HMX2: variants seen among roughly 807,000 people sequenced by gnomAD.
The protein encoded by HMX2 is H6 family homeobox 2.
Under a neutral mutation model 21.2 loss-of-function variants are expected in HMX2, and 15 were observed. The ratio of observed to expected loss-of-function variants is 0.71; its 90% CI spans 0.47 to 1.09. HMX2 has a LOEUF of 1.09. Ranked by LOEUF, HMX2 falls within the 50% of genes least tolerant of loss-of-function variation. The pLI is 0.00. For missense variants in HMX2, 440 were observed against 381.5 expected (o/e 1.15, Z -1.28); for synonymous variants, 193 against 181.0 (o/e 1.07, Z -0.53).
chr10:123,149,708 C>G lies in HMX2; in HGVS notation c.407C>G (p.Pro136Arg), dbSNP rs766496437. 1.3e-6 allele frequency: 2 copies of G among 1,559,682 alleles called. No individual in the cohort carries two copies. The highest frequency in any genetic ancestry group is 4.8e-5 in the East Asian group (2 of 41,356). Reference protein sequence around the residue: ...AGSPSPGSERPRDGGAERQAG... With the variant: ...AGSPSPGSERRRDGGAERQAG... ...TCGCCCTCGCCGGGGTCCGAGCGGC[C>G]GCGGGACGGCGGCGCTGAGCGGCAG... Residue 136 changes from proline (P) to arginine (R), a missense_variant, in exon 2 of 2, where the codon CCG (proline) becomes CGG (arginine). Transcript: ENST00000339992. The surrounding 1 kb of genome is among the most constrained non-coding windows in gnomAD (Gnocchi z 5.4).
Position 123,149,960 on chromosome 10 carries a change from C to A in HMX2, c.659C>A (p.Ala220Glu), listed in dbSNP as rs781275643. ...AELEAANMAHASAQTLVSMPL... is the reference protein window; with the variant it reads ...AELEAANMAHESAQTLVSMPL... ...CTGGAGGCGGCCAACATGGCGCACG[C>A]GTCGGCGCAGACTCTGGTGAGCATG... Residue 220 changes from alanine to glutamate, a missense_variant, in exon 2 of 2, where the codon GCG becomes GAG. Ala to Glu is a moderately radical substitution (Grantham distance 107). Transcript: ENST00000339992. This position sits in a 1 kb window ranked among gnomAD's most constrained non-coding sequence, Gnocchi z 5.4. 1.1e-4 allele frequency: 173 copies of A among 1,611,768 alleles called. 1 individual carries two copies. Among genetic ancestry groups the A allele is most frequent in the Middle Eastern group, 1.6e-4 (1 of 6,078 alleles).
In HMX2 at chr10:123,149,080, C is replaced by T. The variant is rs1009826353; in HGVS notation, c.268+434C>T. 2.6e-5 allele frequency among the ~76,000 whole-genome samples: 4 copies of T among 152,190 alleles called. No homozygotes were observed. Among genetic ancestry groups the T allele is most frequent in the Non-Finnish European group, 2.9e-5 (2 of 68,034 alleles). ...ATCTCTGCCTTTCTCTCTCTCTCCT[C>T]CTTGGAATGATTAGCACTCCAAGAT... is the stretch of plus-strand genomic sequence containing the variant. On this transcript the variant is annotated intron_variant, in intron 1 of 1. Coordinates refer to ENST00000339992, the MANE Select transcript of HMX2 (RefSeq NM_005519.2). The surrounding 1 kb of genome is among the most constrained non-coding windows in gnomAD (Gnocchi z 5.4).
chr10:123,148,823 G>C (rs1216199417), intron 1 of HMX2, among the ~76,000 whole-genome samples, 177 bp downstream of exon 1: 1 of 152,170 alleles, frequency 6.6e-6, no homozygotes, highest in Non-Finnish European at 1.5e-5. Flanking sequence ...TGGGCCCCTG[G>C]GAGCAGGCGA....
intron 1 of HMX2, among the ~76,000 whole-genome samples, chr10:123,148,925 C>A (rs773427175): frequency 6.6e-6 from 1 of 152,234 alleles, no homozygotes; most frequent in Non-Finnish European, 1.5e-5. Context: ...CGGCCTTACA[C>A]CCGGCTGTCC....
Position 123,148,464 on chromosome 10 carries a change from G to C in HMX2, c.86G>C (p.Gly29Ala). The change falls in exon 1 of 2, where the codon GGC (glycine) becomes GCC (alanine). Residue 29 changes from glycine to alanine, a missense_variant. Coordinates refer to ENST00000339992, the MANE Select transcript of HMX2 (RefSeq NM_005519.2). ...SFTIQSILGG[G>A]PSEAPREPVG... Reference sequence around the variant, plus strand: ...ACCATCCAGTCCATCCTGGGCGGGGGCCCCTCGGAGGCACCGCGGGAGCCC... The same window carrying C: ...ACCATCCAGTCCATCCTGGGCGGGGCCCCCTCGGAGGCACCGCGGGAGCCC... 6.2e-7 allele frequency: 1 copy of C among 1,612,920 alleles called. No homozygotes were observed. The highest frequency in any genetic ancestry group is 8.5e-7 in the Non-Finnish European group (1 of 1,179,418).
In HMX2 at chr10:123,149,780, A is replaced by G; in HGVS notation, c.479A>G (p.Gln160Arg). The G allele has an allele frequency of 6.2e-7, 1 of 1,602,674 alleles. No homozygotes were observed. Among genetic ancestry groups the G allele is most frequent in the Non-Finnish European group, 8.5e-7 (1 of 1,174,168 alleles). ...ACGCGCACCGTCTTTTCGCGCAGCCAGGTGTACCAGCTCGAGTCCACCTTC... is the reference window on the plus strand; with the variant it reads ...ACGCGCACCGTCTTTTCGCGCAGCCGGGTGTACCAGCTCGAGTCCACCTTC... ...KKTRTVFSRS[Q>R]VYQLESTFDM... Residue 160 changes from glutamine to arginine, a missense_variant, in exon 2 of 2, where the codon CAG becomes CGG. By Grantham distance (43) the Gln-to-Arg change is conservative. Transcript: ENST00000339992. The surrounding 1 kb of genome is among the most constrained non-coding windows in gnomAD (Gnocchi z 5.4).
In HMX2 at chr10:123,148,537, G is replaced by A. The variant is rs1421166915; in HGVS notation, c.159G>A (p.Glu53=). ...GCAGCCTGTCCGTGTCCTCGGAGGAGGAGGAGCCGGACGACGGCTGGAAGG... is the reference window on the plus strand; with the variant it reads ...GCAGCCTGTCCGTGTCCTCGGAGGAAGAGGAGCCGGACGACGGCTGGAAGG... The part of the protein sequence containing the change: ...RKRSLSVSSE[E]EEPDDGWKAP... The change falls in exon 1 of 2, where the codon GAG becomes GAA. Residue 53 remains glutamate (E), a synonymous_variant. Coordinates refer to ENST00000339992, the MANE Select transcript of HMX2 (RefSeq NM_005519.2). The A allele has an allele frequency of 1.2e-6, 2 of 1,613,048 alleles. No homozygotes were observed. The highest frequency in any genetic ancestry group is 1.6e-4 in the Middle Eastern group (1 of 6,070).
At position 123,148,576 on chromosome 10, in the gene HMX2, C is replaced by T. The variant is rs1844226994; in HGVS notation, c.198C>T (p.Phe66=). The change falls in exon 1 of 2, where the codon TTC becomes TTT. Residue 66 remains phenylalanine (F), a synonymous_variant. Coordinates refer to ENST00000339992, the MANE Select transcript of HMX2 (RefSeq NM_005519.2). ...ACGGCTGGAAGGCGCCCGCCTGCTT[C>T]TGCCCAGACCAGCACGGCCCTAAGG... The part of the protein sequence containing the change: ...PDDGWKAPAC[F]CPDQHGPKEQ... 1.9e-6 allele frequency: 3 copies of T among 1,613,592 alleles called. No individual in the cohort carries two copies.
Position 123,148,278 on chromosome 10 carries a change from C to T in HMX2, c.-101C>T. 7.7e-7 allele frequency: 1 copy of T among 1,290,712 alleles called. No individual in the cohort carries two copies. Among genetic ancestry groups the T allele is most frequent in the Non-Finnish European group, 1.1e-6 (1 of 912,698 alleles). The allele number at this position is 1,290,712 out of a possible 1,614,324, so 80.0% of individuals were successfully genotyped here. On this transcript the variant is annotated 5_prime_UTR_variant, in exon 1 of 2. Coordinates refer to ENST00000339992, the MANE Select transcript of HMX2 (RefSeq NM_005519.2). ...CCCCTCCCCCTAGATTTCCTCCCCG[C>T]CCCTCCCCACTGCCTGCCTGCTGCA... is the stretch of plus-strand genomic sequence containing the variant.
In HMX2 at chr10:123,148,192, C is replaced by T. The variant is rs1218897985; in HGVS notation, c.-187C>T. 1 of 623,430 alleles carries T rather than the reference C, an allele frequency of 1.6e-6. No homozygotes were observed. Among genetic ancestry groups the T allele is most frequent in the Non-Finnish European group, 2.7e-6 (1 of 365,852 alleles). The allele number at this position is 623,430 out of a possible 1,614,324, so 38.6% of individuals were successfully genotyped here. ...AGAGCCAGGCGGGCAGGAACCCCTGCGCAGCCATCCGGTGCCTGCATGTCC... is the reference window on the plus strand; with the variant it reads ...AGAGCCAGGCGGGCAGGAACCCCTGTGCAGCCATCCGGTGCCTGCATGTCC... On this transcript the variant is annotated 5_prime_UTR_variant, in exon 1 of 2. Transcript: ENST00000339992.
rs1382494831 is a variant in HMX2 at position 123,149,461 on chromosome 10, G to A, written c.269-109G>A. On this transcript the variant is annotated intron_variant, in intron 1 of 1. Transcript: ENST00000339992. The surrounding 1 kb of genome is among the most constrained non-coding windows in gnomAD (Gnocchi z 5.4). ...GATAAGAGGAGGGGATTGGTAAGGT[G>A]GGACCAAGGCTGCAGGCGCTTGCCA... The A allele has an allele frequency of 3.3e-5, 29 of 867,240 alleles. No homozygotes were observed. Among genetic ancestry groups the A allele is most frequent in the Non-Finnish European group, 4.1e-5 (25 of 604,820 alleles). The allele number at this position is 867,240 out of a possible 1,614,324, so 53.7% of individuals were successfully genotyped here. A position where few individuals can be genotyped will look rare whatever the true frequency, so the allele number is the denominator to read the frequency against.
chr10:123,150,140 C>T lies in HMX2; in HGVS notation c.*17C>T. ...GACTACTGACCGGCCCGCCGCCCCG[C>T]GCCGCCCCCAGCTGCCCGCAGAGCC... On this transcript the variant is annotated 3_prime_UTR_variant, in exon 2 of 2. Coordinates refer to ENST00000339992, the MANE Select transcript of HMX2 (RefSeq NM_005519.2). The surrounding 1 kb of genome is among the most constrained non-coding windows in gnomAD (Gnocchi z 4.2). 6.6e-7 allele frequency: 1 copy of T among 1,509,956 alleles called. No individual in the cohort carries two copies. Among genetic ancestry groups the T allele is most frequent in the Non-Finnish European group, 8.9e-7 (1 of 1,129,152 alleles). The allele number at this position is 1,509,956 out of a possible 1,614,324, so 93.5% of individuals were successfully genotyped here.
In HMX2 at chr10:123,149,499, C is replaced by T. The variant is rs1844243289; in HGVS notation, c.269-71C>T. 1 of 1,325,266 alleles carries T rather than the reference C, an allele frequency of 7.5e-7. No homozygotes were observed. Among genetic ancestry groups the T allele is most frequent in the African/African-American group, 1.5e-5 (1 of 65,278 alleles). The allele number at this position is 1,325,266 out of a possible 1,614,324, so 82.1% of individuals were successfully genotyped here. On this transcript the variant is annotated intron_variant, in intron 1 of 1. Coordinates refer to ENST00000339992, the MANE Select transcript of HMX2 (RefSeq NM_005519.2). This position sits in a 1 kb window ranked among gnomAD's most constrained non-coding sequence, Gnocchi z 5.4. ...CAGGCGCTTGCCAACCGCTTGGTCC[C>T]AGGGAGAGCTGGCGGTCTCCGAGGC...
At position 123,149,701 on chromosome 10, in the gene HMX2, G is replaced by A. The variant is rs914122942; in HGVS notation, c.400G>A (p.Glu134Lys). The change falls in exon 2 of 2, where the codon GAG becomes AAG. Residue 134 changes from glutamate to lysine, a missense_variant. Physicochemically the swap from Glu to Lys is moderately conservative, Grantham distance 56. Coordinates refer to ENST00000339992, the MANE Select transcript of HMX2 (RefSeq NM_005519.2). This position sits in a 1 kb window ranked among gnomAD's most constrained non-coding sequence, Gnocchi z 5.4. ...LPAGSPSPGSERPRDGGAERQ... is the reference protein window; with the variant it reads ...LPAGSPSPGSKRPRDGGAERQ... ...CGCGGGCTCGCCCTCGCCGGGGTCC[G>A]AGCGGCCGCGGGACGGCGGCGCTGA... 3 of 1,565,440 alleles carry A rather than the reference G, an allele frequency of 1.9e-6. No individual in the cohort carries two copies. The highest frequency in any genetic ancestry group is 2.6e-6 in the Non-Finnish European group (3 of 1,161,176).
At position 123,148,504 on chromosome 10, in the gene HMX2, C is replaced by G; in HGVS notation, c.126C>G (p.Ala42=). The G allele has an allele frequency of 6.2e-7, 1 of 1,612,616 alleles. No individual in the cohort carries two copies. Among genetic ancestry groups the G allele is most frequent in the Admixed American group, 1.7e-5 (1 of 59,922 alleles). ...CGCGGGAGCCCGTCGGCTGGCCAGC[C>G]AGGAAGCGCAGCCTGTCCGTGTCCT... The part of the protein sequence containing the change: ...EAPREPVGWP[A]RKRSLSVSSE... The change falls in exon 1 of 2, where the codon GCC becomes GCG. Residue 42 remains alanine (A), a synonymous_variant. Transcript: ENST00000339992.
rs2133559699 is a variant in HMX2, at chr10:123,150,211, G to C, written c.*88G>C. On this transcript the variant is annotated 3_prime_UTR_variant, in exon 2 of 2. Transcript: ENST00000339992. The surrounding 1 kb of genome is among the most constrained non-coding windows in gnomAD (Gnocchi z 4.2). ...GCAGGGCTCCGGAGCAAGGCGGCGT[G>C]TTTCCAGAAATATGAAGAAATACAC... is the stretch of plus-strand genomic sequence containing the variant. 8.8e-7 allele frequency: 1 copy of C among 1,135,978 alleles called. No individual in the cohort carries two copies. The highest frequency in any genetic ancestry group is 1.2e-6 in the Non-Finnish European group (1 of 825,672). 70.4% of individuals were successfully genotyped at this position (1,135,978 alleles called of 1,614,324 possible). A position where few individuals can be genotyped will look rare whatever the true frequency, so the allele number is the denominator to read the frequency against.
At position 123,148,256 on chromosome 10, in the gene HMX2, C is replaced by A; in HGVS notation, c.-123C>A. 2 of 996,888 alleles carry A rather than the reference C, an allele frequency of 2.0e-6. No homozygotes were observed. The highest frequency in any genetic ancestry group is 4.9e-5 in the Admixed American group (2 of 40,922). 61.8% of individuals were successfully genotyped at this position (996,888 alleles called of 1,614,324 possible). On this transcript the variant is annotated 5_prime_UTR_variant, in exon 1 of 2. Transcript: ENST00000339992. The stretch of plus-strand genomic sequence containing the variant: ...GACGCCTCACCAGCCTCGGCGCCCC[C>A]TCCCCCTAGATTTCCTCCCCGCCCC...
rs1272888898 is a variant in HMX2 at position 123,149,561 on chromosome 10, G to C, written c.269-9G>C. Reference sequence around the variant, plus strand: ...CTCCATGGCCTTTCTGTCTGTTCTCGCTCCTCAGGTACCCCCAAGGGCAGC... The same window carrying C: ...CTCCATGGCCTTTCTGTCTGTTCTCCCTCCTCAGGTACCCCCAAGGGCAGC... On this transcript the variant is annotated splice_polypyrimidine_tract_variant and intron_variant, in intron 1 of 1. Coordinates refer to ENST00000339992, the MANE Select transcript of HMX2 (RefSeq NM_005519.2). The surrounding 1 kb of genome is among the most constrained non-coding windows in gnomAD (Gnocchi z 5.4). 1 of 1,430,898 alleles carries C rather than the reference G, an allele frequency of 7.0e-7. No individual in the cohort carries two copies. Among genetic ancestry groups the C allele is most frequent in the Non-Finnish European group, 9.1e-7 (1 of 1,093,394 alleles). 88.6% of individuals were successfully genotyped at this position (1,430,898 alleles called of 1,614,324 possible). A position where few individuals can be genotyped will look rare whatever the true frequency, so the allele number is the denominator to read the frequency against.
Position 123,149,436 on chromosome 10 carries a change from G to C in HMX2, c.269-134G>C, listed in dbSNP as rs1844242578. The C allele has an allele frequency of 1.6e-6, 1 of 636,420 alleles. No homozygotes were observed. The highest frequency in any genetic ancestry group is 2.4e-6 in the Non-Finnish European group (1 of 410,118). The allele number at this position is 636,420 out of a possible 1,614,324, so 39.4% of individuals were successfully genotyped here. A position where few individuals can be genotyped will look rare whatever the true frequency, so the allele number is the denominator to read the frequency against. On this transcript the variant is annotated intron_variant, in intron 1 of 1. Transcript: ENST00000339992. This position sits in a 1 kb window ranked among gnomAD's most constrained non-coding sequence, Gnocchi z 5.4. ...CTGGGTTTGGGGGGCCAGTGAGAGG[G>C]ATAAGAGGAGGGGATTGGTAAGGTG... is the stretch of plus-strand genomic sequence containing the variant.
Sources: gnomAD v4.1 joint callset for allele counts (sites outside exome capture counted in the v4.1 genomes callset) on GRCh38, gnomAD v4.1.1 for gene constraint, Gnocchi (gnomAD v3.1) non-coding constraint, MANE v1.5 for transcripts, NCBI Gene and HGNC (gene_info 2026-07-23, HGNC 2026-07-21) for gene names.